FAM135B: variants seen among roughly 807,000 people sequenced by gnomAD.
FAM135B encodes family with sequence similarity 135 member B.
Under a neutral mutation model 127.7 loss-of-function variants are expected in FAM135B, and 43 were observed. The observed-to-expected ratio is 0.34, with a 90% CI of 0.26 to 0.43. The LOEUF is 0.43. FAM135B is among the 20% of genes least tolerant of loss of function. FAM135B has a pLI of 1.00. For missense variants in FAM135B, 1,558 were observed against 1,725.6 expected (o/e 0.90, Z 1.72); for synonymous variants, 670 against 665.1 (o/e 1.01, Z -0.11).
intron 12 of FAM135B, among the ~76,000 whole-genome samples, chr8:138,158,184 A>T (rs904154329): frequency 6.6e-6 from 1 of 152,248 alleles, no homozygotes; most frequent in Non-Finnish European, 1.5e-5. Context: ...ATCTGACAAA[A>T]ACAAGAAATG....
intron 17 of FAM135B, among the ~76,000 whole-genome samples, chr8:138,140,060 T>C (rs1816997499): frequency 6.6e-6 from 1 of 152,208 alleles, no homozygotes; most frequent in African/African-American, 2.4e-5. Flanking sequence ...AAGATTCCTT[T>C]ATAACTGTGG....
chr8:138,258,803 CCACA>C (rs57817492), intron 4 of FAM135B, among the ~76,000 whole-genome samples: 8 of 146,526 alleles, frequency 5.5e-5, no homozygotes, highest in South Asian at 2.2e-4. Flanking sequence ...GACACACACA[CCACA>C]CACACACACA....
At chr8:138,420,250 A>C (rs1372208831) in intron 1 of FAM135B, among the ~76,000 whole-genome samples, 9 of 152,116 alleles carry the variant, frequency 5.9e-5, no homozygotes, top group Non-Finnish European at 1.0e-4. Flanking sequence ...GAAAACCTAC[A>C]AGAAATTGAT....
intron 15 of FAM135B, among the ~76,000 whole-genome samples, chr8:138,144,960 G>C (rs556783487): frequency 1.3e-5 from 2 of 152,202 alleles, no homozygotes; most frequent in East Asian, 1.9e-4. Context: ...TCACTTCCCT[G>C]CTCCCTCCTC....
At chr8:138,187,602 C>A (rs1815699609) in intron 9 of FAM135B, among the ~76,000 whole-genome samples, 1 of 152,220 alleles carries the variant, frequency 6.6e-6, no homozygotes, top group South Asian at 2.1e-4. Flanking sequence ...CTCTAGCCCC[C>A]ATATGATATA....
In FAM135B at chr8:138,139,004, G is replaced by C. The variant is rs1391652580; in HGVS notation, c.3883C>G (p.Gln1295Glu). 2 of 1,612,066 alleles carry C rather than the reference G, an allele frequency of 1.2e-6. No individual in the cohort carries two copies. The highest frequency in any genetic ancestry group is 1.7e-6 in the Non-Finnish European group (2 of 1,178,214). ...NADLRKCFLYQLSQKTGLQYF... is the reference protein window; with the variant it reads ...NADLRKCFLYELSQKTGLQYF... ...CACTGACCTGTTTTTTGGCTTAGTT[G>C]GTAGAGGAAACATTTGCGCAAATCA... The change falls in exon 18 of 20, where the codon CAA (glutamine) becomes GAA (glutamate). Residue 1295 changes from glutamine (Q) to glutamate (E), a missense_variant. By Grantham distance (29) the Gln-to-Glu change is conservative. Around this residue, in one of 5 missense-constraint regions of FAM135B, gnomAD observed 194 missense variants for 333.8 expected, o/e 0.58. Coordinates refer to ENST00000395297, the MANE Select transcript of FAM135B (RefSeq NM_015912.4).
chr8:138,242,946 G>A lies in FAM135B; in HGVS notation c.665C>T (p.Ser222Leu), dbSNP rs2130381552. ...ACTGCCCCACACAGGCCTTACCTCT[G>A]AGGAAGTCGGCTTGCAGTACCCAGC... ...FGAGYCKPTS[S>L]EGSFYITSEN... The change falls in exon 7 of 20, where the codon TCA becomes TTA. Residue 222 changes from serine to leucine, a missense_variant. Physicochemically the swap from Ser to Leu is moderately radical, Grantham distance 145 (BLOSUM62 -2). Coordinates refer to ENST00000395297, the MANE Select transcript of FAM135B (RefSeq NM_015912.4). This position sits in a 1 kb window ranked among gnomAD's most constrained non-coding sequence, Gnocchi z 9.6. 6.2e-7 allele frequency: 1 copy of A among 1,613,492 alleles called. No individual in the cohort carries two copies. Among genetic ancestry groups the A allele is most frequent in the Non-Finnish European group, 8.5e-7 (1 of 1,179,722 alleles).
chr8:138,373,253 A>G (rs2131248102), intron 1 of FAM135B, among the ~76,000 whole-genome samples: 1 of 152,258 alleles, frequency 6.6e-6, no homozygotes, highest in Admixed American at 6.5e-5. Context: ...TGGATTGTGA[A>G]GATTTCATGG....
chr8:138,302,612 C>T (rs1183517895), intron 3 of FAM135B, among the ~76,000 whole-genome samples: 3 of 152,188 alleles, frequency 2.0e-5, no homozygotes, highest in Non-Finnish European at 4.4e-5. Flanking sequence ...CCTTGATGAC[C>T]TGCACCAGAA....
chr8:138,342,927 C>G lies in FAM135B; in HGVS notation c.77+24980G>C, dbSNP rs988161028. Among the ~76,000 whole-genome samples, 6 of 152,194 alleles carry G rather than the reference C, an allele frequency of 3.9e-5. No homozygotes were observed. In the South Asian group the frequency reaches 1.2e-3, roughly 31 times the overall value. ...ACATGCATGCACAAATCCCATGGCCCCAGCTGTATGCTAGGTATAGTGAAT... is the reference window on the plus strand; with the variant it reads ...ACATGCATGCACAAATCCCATGGCCGCAGCTGTATGCTAGGTATAGTGAAT... On this transcript the variant is annotated intron_variant, in intron 2 of 19. Transcript: ENST00000395297.
chr8:138,396,787 G>A (rs533861518), intron 1 of FAM135B, among the ~76,000 whole-genome samples: 3 of 152,086 alleles, frequency 2.0e-5, no homozygotes, highest in Admixed American at 6.5e-5. Context: ...ATCTCCCCAC[G>A]CACAGAGCAG....
At chr8:138,445,906 C>G (rs1183352250) in intron 1 of FAM135B, among the ~76,000 whole-genome samples, 1 of 152,156 alleles carries the variant, frequency 6.6e-6, no homozygotes, top group African/African-American at 2.4e-5. Flanking sequence ...TAGAAAACCC[C>G]ATCATCTCAG....
intron 1 of FAM135B, among the ~76,000 whole-genome samples, chr8:138,396,467 A>G (rs1240010023): frequency 6.6e-6 from 1 of 152,152 alleles, no homozygotes; most frequent in Non-Finnish European, 1.5e-5. Context: ...AGTGGTGTGA[A>G]AAGGGGACAA....
At chr8:138,345,196 A>G (rs11166814) in intron 2 of FAM135B, among the ~76,000 whole-genome samples, 147,790 of 152,276 alleles carry the variant, frequency 0.97, 71,752 homozygotes, top group Admixed American at 0.99. Flanking sequence ...TGGCAAGCCC[A>G]GGAAACAGAG....
At chr8:138,410,936 T>C (rs1032306752) in intron 1 of FAM135B, among the ~76,000 whole-genome samples, 10 of 151,272 alleles carry the variant, frequency 6.6e-5, no homozygotes, top group African/African-American at 2.4e-4. Context: ...TTACAAGGGA[T>C]GTGAAGGACC....
chr8:138,303,757 T>C (rs948300847), intron 3 of FAM135B, among the ~76,000 whole-genome samples: 5 of 152,166 alleles, frequency 3.3e-5, no homozygotes, highest in African/African-American at 1.2e-4. Context: ...TGAGAATCCA[T>C]GCGTATGTGG....
chr8:138,441,356 A>C (rs866160341), intron 1 of FAM135B: 1 of 152,238 alleles, frequency 6.6e-6, no homozygotes, highest in Non-Finnish European at 1.5e-5. Context: ...TTGCAGAATT[A>C]TGAGGAAAGC....
At chr8:138,218,395 C>G (rs923801992) in intron 7 of FAM135B, among the ~76,000 whole-genome samples, 5 of 152,116 alleles carry the variant, frequency 3.3e-5, no homozygotes, top group African/African-American at 1.2e-4. Flanking sequence ...GCAATATGTC[C>G]TGCTCACAAT....
chr8:138,306,393 C>T (rs546220782), intron 3 of FAM135B, among the ~76,000 whole-genome samples: 2 of 67,264 alleles, frequency 3.0e-5, no homozygotes, highest in East Asian at 3.2e-4. Context: ...CGAGATTGCA[C>T]CACTACACTC....
Sources: allele counts gnomAD v4.1 joint callset (sites outside exome capture counted in the v4.1 genomes callset), GRCh38; gene constraint gnomAD v4.1.1; regional missense constraint gnomAD v4.1.1; non-coding constraint Gnocchi (gnomAD v3.1); transcripts MANE v1.5; gene names NCBI Gene and HGNC (gene_info 2026-07-23, HGNC 2026-07-21).